The following NIN variants were observed in gnomAD, a reference collection of about 807,000 sequenced individuals.
NIN encodes the protein ninein, also known as glycogen synthase kinase 3 beta-interacting protein.
A neutral mutation model predicts 257.6 loss-of-function variants in NIN; 137 were observed. The observed-to-expected ratio is 0.53, with a 90% CI of 0.46 to 0.61. NIN has a LOEUF of 0.61. Among genes scored for constraint, NIN ranks in the 20% least tolerant of loss-of-function variants. NIN has a pLI of 0.00. For missense variants in NIN, 2,439 were observed against 2,501.2 expected, an observed-to-expected ratio of 0.98 and a Z score of 0.53; for synonymous variants, 918 against 919.8, an observed-to-expected ratio of 1.00 and a Z score of 0.04.
intron 4 of NIN, among the ~76,000 whole-genome samples, chr14:50,798,302 T>C (rs545598916): frequency 6.6e-6 from 1 of 152,330 alleles, no homozygotes; most frequent in South Asian, 2.1e-4. Context: ...CACCCAGTTC[T>C]TAGCCACCTG....
chr14:50,720,213 A>C lies in NIN; in HGVS notation c.*3250T>G, dbSNP rs2040244634. 4.5e-6 allele frequency: 1 copy of C among 222,716 alleles called. No homozygotes were observed. The highest frequency in any genetic ancestry group is 6.6e-5 in the East Asian group (1 of 15,178). 13.8% of individuals were successfully genotyped at this position (222,716 alleles called of 1,614,324 possible). ...AGGCTTTGACTTGGTTTTTGGCATT[A>C]CTTGTATAATTATATCATTCCAATG... On this transcript the variant is annotated 3_prime_UTR_variant, in exon 31 of 31. Transcript: ENST00000530997.
At position 50,722,822 on chromosome 14, in the gene NIN, T is replaced by A. The variant is rs1020827712; in HGVS notation, c.*641A>T. 1.4e-5 allele frequency: 3 copies of A among 210,398 alleles called. No individual in the cohort carries two copies. The highest frequency in any genetic ancestry group is 2.9e-5 in the Non-Finnish European group (3 of 103,414). The allele number at this position is 210,398 out of a possible 1,614,324, so 13.0% of individuals were successfully genotyped here. A position where few individuals can be genotyped will look rare whatever the true frequency, so the allele number is the denominator to read the frequency against. ...GTAAGCTTTTAACATTAGTTAAGAG[T>A]GCAATTGAGTAAATCAGTTCTAAAT... On this transcript the variant is annotated 3_prime_UTR_variant, in exon 31 of 31. Coordinates refer to ENST00000530997, the MANE Select transcript of NIN (RefSeq NM_020921.4).
chr14:50,759,429 A>G (rs1057390065), intron 17 of NIN, among the ~76,000 whole-genome samples: 8 of 152,230 alleles, frequency 5.3e-5, no homozygotes, highest in African/African-American at 9.6e-5. Flanking sequence ...AAAATATTTA[A>G]AAGAGTCTAC....
intron 28 of NIN, among the ~76,000 whole-genome samples, chr14:50,731,492 A>G (rs1160992472): frequency 1.4e-5 from 2 of 147,272 alleles, no homozygotes; most frequent in South Asian, 2.2e-4. Flanking sequence ...GATCACACCA[A>G]TGCACTCCAG....
intron 5 of NIN, 34 bp downstream of exon 5, chr14:50,792,678 T>C (rs1012389419): frequency 4.3e-6 from 7 of 1,612,974 alleles, no homozygotes; most frequent in Middle Eastern, 1.7e-4. Flanking sequence ...TCCACACTCA[T>C]GATCCAGATG....
Position 50,741,563 on chromosome 14 carries a change from TA to T in NIN, c.5448+18del. On this transcript the variant is annotated intron_variant, in intron 25 of 30. Transcript: ENST00000530997. The stretch of plus-strand genomic sequence containing the variant: ...TTACTGTAAATAACTTATACCTAAA[TA>T]AAAAAAGAACAAATCACCTTGCCAC... 6.2e-7 allele frequency: 1 copy of T among 1,609,688 alleles called. No individual in the cohort carries two copies. The highest frequency in any genetic ancestry group is 8.5e-7 in the Non-Finnish European group (1 of 1,178,124).
At chr14:50,736,309 AT>A (rs766189882) in intron 27 of NIN, among the ~76,000 whole-genome samples, 6,708 of 144,416 alleles carry the variant, frequency 0.046, 125 homozygotes, top group Non-Finnish European at 0.051. Flanking sequence ...GTTTTTGTAT[AT>A]TTTTTTTTTT....
At chr14:50,724,154 C>G (rs2040329250) in intron 30 of NIN, 1 of 192,228 alleles carries the variant, frequency 5.2e-6, no homozygotes, top group East Asian at 8.4e-5. Flanking sequence ...AGTTACTTCT[C>G]CTGAATTGTC....
chr14:50,784,318 A>C (rs2043253693), intron 5 of NIN, among the ~76,000 whole-genome samples: 1 of 152,206 alleles, frequency 6.6e-6, no homozygotes, highest in African/African-American at 2.4e-5. Context: ...TTAGGGGTTT[A>C]GACTGCAGAA....
At chr14:50,776,282 G>A (rs1465417147) in intron 7 of NIN, among the ~76,000 whole-genome samples, 1 of 152,034 alleles carries the variant, frequency 6.6e-6, no homozygotes, top group African/African-American at 2.4e-5. Context: ...AAAACATAAA[G>A]CTCAGAGTTT....
intron 5 of NIN, among the ~76,000 whole-genome samples, chr14:50,783,248 G>A (rs1333050326): frequency 6.6e-6 from 1 of 150,538 alleles, no homozygotes; most frequent in Non-Finnish European, 1.5e-5. Context: ...TAGAGATGGG[G>A]TTTTGCCATG....
At chr14:50,781,798 G>A (rs1037755579) in intron 5 of NIN, among the ~76,000 whole-genome samples, 1 of 152,216 alleles carries the variant, frequency 6.6e-6, no homozygotes, top group African/African-American at 2.4e-5. Context: ...CACATAGTAA[G>A]CTCTACACAA....
At position 50,793,679 on chromosome 14, in the gene NIN, A is replaced by C. The variant is rs993308832; in HGVS notation, c.266-798T>G. On this transcript the variant is annotated intron_variant, in intron 4 of 30. Transcript: ENST00000530997. ...ACTTGTCTCAGGTTCAACACTGACC[A>C]CCTTCCCCGTTACCATCACCACCAC... Among the ~76,000 whole-genome samples the C allele has an allele frequency of 5.9e-5, 9 of 152,260 alleles. No individual in the cohort carries two copies. The East Asian group carries it at 1.7e-3, about 29-fold the overall frequency.
chr14:50,781,354 A>G (rs2043127743), intron 5 of NIN, among the ~76,000 whole-genome samples: 2 of 152,356 alleles, frequency 1.3e-5, no homozygotes, highest in South Asian at 4.1e-4. Context: ...CAGTTGGAAT[A>G]TACAGCTGTA....
At chr14:50,768,776 G>C (rs770042642) in intron 12 of NIN, among the ~76,000 whole-genome samples, 3 of 152,202 alleles carry the variant, frequency 2.0e-5, no homozygotes, top group Admixed American at 6.5e-5. Flanking sequence ...CTAAGTAACT[G>C]GTAGCCATAT....
intron 27 of NIN, among the ~76,000 whole-genome samples, chr14:50,736,854 T>C (rs1382235666): frequency 1.3e-5 from 2 of 152,200 alleles, no homozygotes; most frequent in African/African-American, 2.4e-5. Context: ...AAACAGACCA[T>C]ATTTTTTATA....
rs1285688161 is a variant in NIN at position 50,721,526 on chromosome 14, C to A, written c.*1937G>T. 3 of 217,894 alleles carry A rather than the reference C, an allele frequency of 1.4e-5. No homozygotes were observed. The highest frequency in any genetic ancestry group is 2.8e-5 in the Non-Finnish European group (3 of 108,208). The allele number at this position is 217,894 out of a possible 1,614,324, so 13.5% of individuals were successfully genotyped here. ...CTACAGGTACTTAGTTTATTTTTGTCCTTAGCCTAGGCCAATCCACAGTTT... is the reference window on the plus strand; with the variant it reads ...CTACAGGTACTTAGTTTATTTTTGTACTTAGCCTAGGCCAATCCACAGTTT... On this transcript the variant is annotated 3_prime_UTR_variant, in exon 31 of 31. Coordinates refer to ENST00000530997, the MANE Select transcript of NIN (RefSeq NM_020921.4).
At chr14:50,727,088 T>A (rs1183151625) in intron 29 of NIN, 8 of 281,492 alleles carry the variant, frequency 2.8e-5, no homozygotes, top group Non-Finnish European at 4.3e-5. Flanking sequence ...GGCCTATATT[T>A]AAAAAAAAAT....
intron 2 of NIN, 47 bp from the exon 3 acceptor site, chr14:50,822,124 T>C: frequency 7.0e-7 from 1 of 1,423,928 alleles, no homozygotes; most frequent in Non-Finnish European, 9.7e-7. Flanking sequence ...GCCTCTCCAG[T>C]CCTACCGTGG....
Sources: gnomAD v4.1 joint callset for allele counts (sites outside exome capture counted in the v4.1 genomes callset) on GRCh38, gnomAD v4.1.1 for gene constraint, MANE v1.5 for transcripts, NCBI Gene and HGNC (gene_info 2026-07-23, HGNC 2026-07-21) for gene names.